Variants in TAFA1 observed in about 807,000 individuals in gnomAD.
TAFA1 encodes the protein TAFA chemokine like family member 1, also known as chemokine-like protein TAFA-1.
A neutral mutation model predicts 18.5 loss-of-function variants in TAFA1; 4 were observed. The observed-to-expected ratio is 0.22, with a 90% CI of 0.11 to 0.49. The LOEUF (loss-of-function observed/expected upper bound fraction) is 0.49. Among genes scored for constraint, TAFA1 ranks in the 20% least tolerant of loss-of-function variants. TAFA1 has a pLI of 0.98. For synonymous variants in TAFA1, 56 were observed against 55.2 expected (o/e 1.01, Z -0.06); for missense variants, 147 against 169.0 (o/e 0.87, Z 0.72).
intron 3 of TAFA1, among the ~76,000 whole-genome samples, chr3:68,436,940 C>T (rs992432064): frequency 6.6e-6 from 1 of 152,164 alleles, no homozygotes; most frequent in African/African-American, 2.4e-5. Flanking sequence ...GTGCTGAAAA[C>T]TGTTTCTGTT....
At chr3:68,106,411 A>C (rs2065205521) in intron 2 of TAFA1, among the ~76,000 whole-genome samples, 1 of 152,114 alleles carries the variant, frequency 6.6e-6, no homozygotes, top group Non-Finnish European at 1.5e-5. Context: ...TGAGGAACTA[A>C]AGTTTTAATT....
At chr3:68,334,230 T>C (rs2068932154) in intron 2 of TAFA1, among the ~76,000 whole-genome samples, 1 of 152,200 alleles carries the variant, frequency 6.6e-6, no homozygotes, top group South Asian at 2.1e-4. Flanking sequence ...CATTTATACA[T>C]AGAAAAAATG....
intron 3 of TAFA1, among the ~76,000 whole-genome samples, chr3:68,534,480 T>C (rs925155060): frequency 6.6e-6 from 1 of 152,218 alleles, no homozygotes; most frequent in Admixed American, 6.5e-5. Context: ...TATTTTGTTT[T>C]ATAGACTCAA....
At chr3:68,525,805 C>T (rs565297698) in intron 3 of TAFA1, among the ~76,000 whole-genome samples, 1 of 152,186 alleles carries the variant, frequency 6.6e-6, no homozygotes, top group South Asian at 2.1e-4. Flanking sequence ...CCCCTAGAGA[C>T]TGCAAGAGCA....
chr3:68,399,419 A>G (rs893806659), intron 2 of TAFA1, among the ~76,000 whole-genome samples: 3 of 152,242 alleles, frequency 2.0e-5, no homozygotes, highest in Admixed American at 6.5e-5. Flanking sequence ...CATCCAGTTG[A>G]CTAAGAATCA....
At chr3:68,497,533 G>C (rs2106696697) in intron 3 of TAFA1, among the ~76,000 whole-genome samples, 1 of 152,246 alleles carries the variant, frequency 6.6e-6, no homozygotes, top group South Asian at 2.1e-4. Flanking sequence ...GGAAGGGTGG[G>C]AGGTTGGTAA....
chr3:68,400,978 G>A (rs2070476596), intron 2 of TAFA1, among the ~76,000 whole-genome samples: 1 of 152,196 alleles, frequency 6.6e-6, no homozygotes, highest in African/African-American at 2.4e-5. Context: ...TATAGAAAAA[G>A]GAGAGAATGA....
chr3:68,127,896 AGTG>A lies in TAFA1; in HGVS notation c.118+121164_118+121166del, dbSNP rs560334616. On this transcript the variant is annotated intron_variant, in intron 2 of 4. Transcript: ENST00000478136. ...TTATGGTGGTGGTGATGCTGATGGC[AGTG>A]GTGGTGGTGGTTGTGGTGATGCTTA... 2.8e-3 allele frequency among the ~76,000 whole-genome samples: 387 copies of A among 139,912 alleles called. 2 individuals are homozygous for A. Among genetic ancestry groups the A allele is most frequent in the African/African-American group, 9.8e-3 (361 of 36,662 alleles). The allele number at this position is 139,912 out of a possible 152,430, so 91.8% of individuals were successfully genotyped here. A position where few individuals can be genotyped will look rare whatever the true frequency, so the allele number is the denominator to read the frequency against.
At chr3:68,526,866 A>G (rs1339991176) in intron 3 of TAFA1, among the ~76,000 whole-genome samples, 1 of 152,160 alleles carries the variant, frequency 6.6e-6, no homozygotes, top group Non-Finnish European at 1.5e-5. Flanking sequence ...AATTAGAAAA[A>G]AAATAAAGGT....
intron 3 of TAFA1, among the ~76,000 whole-genome samples, chr3:68,532,433 A>AG (rs1037788620): frequency 6.6e-6 from 1 of 151,418 alleles, no homozygotes; most frequent in Admixed American, 6.6e-5. Context: ...TTTTTTTCGG[A>AG]GGGGGGATGG....
intron 2 of TAFA1, among the ~76,000 whole-genome samples, chr3:68,174,213 T>A (rs2066095477): frequency 6.6e-6 from 1 of 152,304 alleles, no homozygotes; most frequent in South Asian, 2.1e-4. Context: ...GGTATTTTGG[T>A]TTAAAAGATA....
intron 3 of TAFA1, among the ~76,000 whole-genome samples, chr3:68,440,513 C>T (rs1284341518): frequency 6.6e-6 from 1 of 152,130 alleles, no homozygotes; most frequent in Non-Finnish European, 1.5e-5. Flanking sequence ...AATTACAGCC[C>T]TCGTTTCTGC....
intron 2 of TAFA1, among the ~76,000 whole-genome samples, chr3:68,059,005 T>C (rs2064568992): frequency 6.6e-6 from 1 of 152,176 alleles, no homozygotes; most frequent in Non-Finnish European, 1.5e-5. Flanking sequence ...TCCCACATGA[T>C]AATGAGTAAT....
chr3:68,063,960 C>A (rs563528062), intron 2 of TAFA1, among the ~76,000 whole-genome samples: 21 of 152,132 alleles, frequency 1.4e-4, no homozygotes, highest in Non-Finnish European at 2.9e-4. Context: ...ATTTCCTACC[C>A]CCAGGTAGGA....
At chr3:68,441,475 G>A (rs972292262) in intron 3 of TAFA1, among the ~76,000 whole-genome samples, 3 of 152,142 alleles carry the variant, frequency 2.0e-5, no homozygotes, top group African/African-American at 7.2e-5. Context: ...CTGGGCTTTG[G>A]TGGAAACTGA....
chr3:68,463,542 T>C (rs1337409013), intron 3 of TAFA1, among the ~76,000 whole-genome samples: 1 of 152,178 alleles, frequency 6.6e-6, no homozygotes, highest in Non-Finnish European at 1.5e-5. Context: ...TTTTGTGTTG[T>C]GTAACTTCTC....
chr3:68,360,482 A>G (rs1429343494), intron 2 of TAFA1, among the ~76,000 whole-genome samples: 6 of 151,928 alleles, frequency 3.9e-5, no homozygotes. Context: ...TTAGAGACAA[A>G]GGAATGATGA....
chr3:68,185,408 G>T (rs539073313), intron 2 of TAFA1, among the ~76,000 whole-genome samples: 1 of 152,202 alleles, frequency 6.6e-6, no homozygotes, highest in South Asian at 2.1e-4. Context: ...CTCAAGGATG[G>T]TATAAGGCTG....
At chr3:68,262,669 A>G (rs1327181415) in intron 2 of TAFA1, among the ~76,000 whole-genome samples, 1 of 151,792 alleles carries the variant, frequency 6.6e-6, no homozygotes, top group Non-Finnish European at 1.5e-5. Context: ...CATTTTCTTT[A>G]TCCAATTCAC....
Sources: allele counts gnomAD v4.1 joint callset (sites outside exome capture counted in the v4.1 genomes callset), GRCh38; gene constraint gnomAD v4.1.1; transcripts MANE v1.5; gene names NCBI Gene and HGNC (gene_info 2026-07-23, HGNC 2026-07-21).